KCNMB4: variants seen among roughly 807,000 people sequenced by gnomAD.
The protein encoded by KCNMB4 is potassium calcium-activated channel subfamily M regulatory beta subunit 4.
Under a neutral mutation model 20.7 loss-of-function variants are expected in KCNMB4, and 3 were observed. That is an observed-to-expected ratio of 0.14 (90% CI 0.07 to 0.37). KCNMB4 has a LOEUF of 0.37. KCNMB4 is among the 10% of genes least tolerant of loss of function. The probability of loss-of-function intolerance (pLI) is 1.00; values close to 1 mark genes in which losing one functional copy is unlikely to be tolerated. For synonymous variants in KCNMB4, 110 were observed against 113.4 expected (o/e 0.97, Z 0.19); for missense variants, 168 against 265.9 (o/e 0.63, Z 2.56).
intron 2 of KCNMB4, among the ~76,000 whole-genome samples, chr12:70,425,665 C>G (rs917116504): frequency 2.0e-5 from 3 of 152,166 alleles, no homozygotes; most frequent in Admixed American, 2.0e-4. Flanking sequence ...GATCACATGT[C>G]AGGTCTTCTT....
Position 70,366,588 on chromosome 12 carries a change from C to T in KCNMB4, c.-147C>T. ...TCGCTGGCCTCGGCCCCTTTGTTCT[C>T]GCGCGCTCCCCCTCGCCGCCCACTC... On this transcript the variant is annotated 5_prime_UTR_variant, in exon 1 of 3. Coordinates refer to ENST00000258111, the MANE Select transcript of KCNMB4 (RefSeq NM_014505.6). 2 of 382,376 alleles carry T rather than the reference C, an allele frequency of 5.2e-6. No homozygotes were observed. The highest frequency in any genetic ancestry group is 7.9e-6 in the Non-Finnish European group (2 of 253,648). 23.7% of individuals were successfully genotyped at this position (382,376 alleles called of 1,614,324 possible).
At chr12:70,395,312 A>C (rs1868341618) in intron 1 of KCNMB4, among the ~76,000 whole-genome samples, 1 of 152,114 alleles carries the variant, frequency 6.6e-6, no homozygotes, top group Non-Finnish European at 1.5e-5. Context: ...TTCTTAGATA[A>C]TTCCTAACAT....
intron 2 of KCNMB4, among the ~76,000 whole-genome samples, chr12:70,403,109 G>A (rs575673404): frequency 1.3e-5 from 2 of 150,568 alleles, no homozygotes; most frequent in African/African-American, 4.9e-5. Flanking sequence ...GAAGAAGAAA[G>A]GGAACAAGGT....
chr12:70,414,249 A>G (rs1041836390), intron 2 of KCNMB4, among the ~76,000 whole-genome samples: 4 of 152,132 alleles, frequency 2.6e-5, no homozygotes, highest in Non-Finnish European at 4.4e-5. Context: ...AAGATTTTGG[A>G]AATAAATTAT....
chr12:70,414,660 G>T (rs924642718), intron 2 of KCNMB4, among the ~76,000 whole-genome samples: 3 of 152,076 alleles, frequency 2.0e-5, no homozygotes, highest in African/African-American at 7.2e-5. Context: ...GAGCTTTTTT[G>T]GCAGCTACAG....
At chr12:70,391,704 T>C in intron 1 of KCNMB4, among the ~76,000 whole-genome samples, 1 of 152,146 alleles carries the variant, frequency 6.6e-6, no homozygotes, top group East Asian at 1.9e-4. Flanking sequence ...GATCTCTCAT[T>C]ATGGGCCAGT....
intron 2 of KCNMB4, among the ~76,000 whole-genome samples, chr12:70,414,941 A>G (rs976826615): frequency 2.6e-5 from 4 of 152,170 alleles, no homozygotes; most frequent in Admixed American, 1.3e-4. Context: ...ATTCTATCTT[A>G]ATTGTAAGTC....
chr12:70,377,535 A>T (rs1389299584), intron 1 of KCNMB4, among the ~76,000 whole-genome samples: 1 of 152,180 alleles, frequency 6.6e-6, no homozygotes, highest in Non-Finnish European at 1.5e-5. Context: ...ATGGTTGCTG[A>T]CTAATCAGGG....
chr12:70,395,350 G>T (rs1407374806), intron 1 of KCNMB4, among the ~76,000 whole-genome samples: 1 of 152,044 alleles, frequency 6.6e-6, no homozygotes, highest in African/African-American at 2.4e-5. Flanking sequence ...ATTTAACTAA[G>T]TAGACCACAG....
intron 2 of KCNMB4, among the ~76,000 whole-genome samples, chr12:70,429,510 C>CA (rs1222599592): frequency 3.3e-5 from 5 of 151,740 alleles, no homozygotes; most frequent in Non-Finnish European, 5.9e-5. Flanking sequence ...ACTAAAAATA[C>CA]AAAAAAATTA....
At chr12:70,397,796 G>T (rs1204631868) in intron 1 of KCNMB4, among the ~76,000 whole-genome samples, 4 of 152,044 alleles carry the variant, frequency 2.6e-5, no homozygotes, top group Non-Finnish European at 4.4e-5. Context: ...GATTACATGT[G>T]GTTATGAATT....
chr12:70,405,930 G>A (rs1027896816), intron 2 of KCNMB4, among the ~76,000 whole-genome samples: 1 of 152,154 alleles, frequency 6.6e-6, no homozygotes, highest in African/African-American at 2.4e-5. Flanking sequence ...TACATACAAT[G>A]GAAGTGTTCA....
At chr12:70,391,451 TACC>T (rs1281095612) in intron 1 of KCNMB4, among the ~76,000 whole-genome samples, 2 of 152,028 alleles carry the variant, frequency 1.3e-5, no homozygotes, top group Admixed American at 1.3e-4. Context: ...TAAAGACATA[TACC>T]AGTACACCCA....
chr12:70,366,626 G>A lies in KCNMB4; in HGVS notation c.-109G>A, dbSNP rs1260032592. On this transcript the variant is annotated 5_prime_UTR_variant, in exon 1 of 3. Transcript: ENST00000258111. The stretch of plus-strand genomic sequence containing the variant: ...TCGCCGCCCACTCCCCTGCTGTCGC[G>A]CGGCGGCGGCGGTGGCGGCGGCGGC... 2.2e-5 allele frequency: 16 copies of A among 725,620 alleles called. No homozygotes were observed. Among genetic ancestry groups the A allele is most frequent in the Non-Finnish European group, 2.9e-5 (16 of 544,244 alleles). The allele number at this position is 725,620 out of a possible 1,614,324, so 44.9% of individuals were successfully genotyped here. A position where few individuals can be genotyped will look rare whatever the true frequency, so the allele number is the denominator to read the frequency against.
intron 1 of KCNMB4, among the ~76,000 whole-genome samples, chr12:70,376,743 G>T (rs763655039): frequency 6.6e-6 from 1 of 150,936 alleles, no homozygotes; most frequent in Middle Eastern, 3.4e-3. Flanking sequence ...GTCATGGCAC[G>T]TGCCTGTAGT....
intron 2 of KCNMB4, among the ~76,000 whole-genome samples, chr12:70,412,359 C>T (rs1868802913): frequency 6.6e-6 from 1 of 152,216 alleles, no homozygotes; most frequent in African/African-American, 2.4e-5. Flanking sequence ...AAAGAGCCAG[C>T]TTCCTGGCAC....
chr12:70,368,334 A>G (rs1427169981), intron 1 of KCNMB4, among the ~76,000 whole-genome samples: 4 of 152,118 alleles, frequency 2.6e-5, no homozygotes, highest in Admixed American at 6.5e-5. Flanking sequence ...TGAATTTGAG[A>G]CATTTAGAAA....
At chr12:70,429,138 G>A (rs1010357010) in intron 2 of KCNMB4, among the ~76,000 whole-genome samples, 1 of 152,190 alleles carries the variant, frequency 6.6e-6, no homozygotes, top group Non-Finnish European at 1.5e-5. Context: ...CAGGGAAAAT[G>A]GGTTCTGAAT....
chr12:70,429,065 T>TTTTTATA (rs1161423618), intron 2 of KCNMB4, among the ~76,000 whole-genome samples: 1 of 152,236 alleles, frequency 6.6e-6, no homozygotes, highest in African/African-American at 2.4e-5. Context: ...ACTATTTATG[T>TTTTTATA]TAATGGCACA....
Sources: allele counts gnomAD v4.1 joint callset (sites outside exome capture counted in the v4.1 genomes callset), GRCh38; gene constraint gnomAD v4.1.1; transcripts MANE v1.5; gene names NCBI Gene and HGNC (gene_info 2026-07-23, HGNC 2026-07-21).